The following SYT14 variants were observed in gnomAD, a reference collection of about 807,000 sequenced individuals.
SYT14 encodes the protein synaptotagmin 14.
SYT14 carries 32 observed loss-of-function variants against 74.2 expected under a neutral mutation model. The ratio of observed to expected loss-of-function variants is 0.43; its 90% CI spans 0.33 to 0.58. The LOEUF (loss-of-function observed/expected upper bound fraction) is 0.58, where lower values mean the gene tolerates loss of function less well. SYT14 is among the 20% of genes least tolerant of loss of function. The pLI is 0.05. For missense variants in SYT14, 791 were observed against 981.8 expected, an observed-to-expected ratio of 0.81 and a Z score of 2.60; for synonymous variants, 298 against 337.7, an observed-to-expected ratio of 0.88 and a Z score of 1.29.
intron 2 of SYT14, among the ~76,000 whole-genome samples, chr1:209,996,187 A>C (rs937432792): frequency 2.6e-5 from 4 of 152,178 alleles, no homozygotes; most frequent in Non-Finnish European, 5.9e-5. Flanking sequence ...AATGAAATCA[A>C]GAGTTGGTTC....
intron 7 of SYT14, among the ~76,000 whole-genome samples, chr1:210,110,636 A>C (rs185803609): frequency 1.3e-5 from 2 of 152,268 alleles, no homozygotes; most frequent in Non-Finnish European, 2.9e-5. Context: ...CCAAGGAGAC[A>C]TAGTAAAGGA....
chr1:210,073,782 C>CA (rs2081438291), intron 5 of SYT14, among the ~76,000 whole-genome samples: 1 of 151,792 alleles, frequency 6.6e-6, no homozygotes, highest in African/African-American at 2.4e-5. Context: ...TTATACACAA[C>CA]AAAAAATGTA....
intron 7 of SYT14, among the ~76,000 whole-genome samples, chr1:210,109,365 G>T (rs1307667847): frequency 1.3e-5 from 2 of 152,008 alleles, no homozygotes; most frequent in African/African-American, 2.4e-5. Flanking sequence ...AGATGACAAG[G>T]TCAGGAGGTT....
chr1:209,970,683 T>TA (rs2079238668), intron 2 of SYT14, among the ~76,000 whole-genome samples: 1 of 69,522 alleles, frequency 1.4e-5, no homozygotes, highest in African/African-American at 4.8e-5. Context: ...TTTTTTTTTT[T>TA]TTTTTTTTTT....
At chr1:210,075,741 C>CT (rs2081488138) in intron 5 of SYT14, among the ~76,000 whole-genome samples, 1 of 152,118 alleles carries the variant, frequency 6.6e-6, no homozygotes, top group South Asian at 2.1e-4. Flanking sequence ...TCACCTAGGT[C>CT]TGTGGGCACA....
At chr1:209,968,456 ATCATATGGAGTAGTT>A (rs1370794833) in intron 2 of SYT14, among the ~76,000 whole-genome samples, 4 of 152,080 alleles carry the variant, frequency 2.6e-5, no homozygotes, top group Non-Finnish European at 2.9e-5. Flanking sequence ...ATATTATAGT[ATCATATGGAGTAGTT>A]TCATATGGAG....
chr1:210,084,071 A>G (rs1274713709), intron 5 of SYT14, among the ~76,000 whole-genome samples: 2 of 152,092 alleles, frequency 1.3e-5, no homozygotes. Context: ...TCCCAATGAT[A>G]TTTTTTAGCG....
chr1:209,986,229 A>G (rs1177483647), intron 2 of SYT14, among the ~76,000 whole-genome samples: 1 of 152,150 alleles, frequency 6.6e-6, no homozygotes, highest in African/African-American at 2.4e-5. Context: ...TTCCTATGTT[A>G]GTAATTTCTT....
chr1:210,084,858 C>T (rs777721963), intron 5 of SYT14, among the ~76,000 whole-genome samples: 14 of 152,270 alleles, frequency 9.2e-5, no homozygotes, highest in Admixed American at 7.8e-4. Flanking sequence ...TTTTTCAAGC[C>T]GACTAATTTT....
At chr1:210,021,627 A>G (rs768397021) in intron 5 of SYT14, among the ~76,000 whole-genome samples, 8 of 152,220 alleles carry the variant, frequency 5.3e-5, no homozygotes, top group Non-Finnish European at 1.0e-4. Context: ...GGTGTTGAAT[A>G]TGATTCCAGT....
At chr1:209,953,263 A>G in intron 2 of SYT14, 1 of 1,286,956 alleles carries the variant, frequency 7.8e-7, no homozygotes, top group Non-Finnish European at 1.0e-6. Context: ...AGGAAAGGTA[A>G]TTCAGTTACT....
chr1:210,012,385 C>T (rs1406524264), intron 2 of SYT14, among the ~76,000 whole-genome samples: 1 of 152,088 alleles, frequency 6.6e-6, no homozygotes, highest in Middle Eastern at 3.2e-3. Flanking sequence ...GGTTGGTGCT[C>T]CAAATATGTA....
intron 7 of SYT14, among the ~76,000 whole-genome samples, chr1:210,136,191 A>T (rs974690829): frequency 7.9e-5 from 12 of 152,116 alleles, no homozygotes; most frequent in Admixed American, 4.6e-4. Flanking sequence ...AGAAGGAGAG[A>T]ATCCAGATGT....
At chr1:210,135,678 A>G (rs983426557) in intron 7 of SYT14, among the ~76,000 whole-genome samples, 1 of 152,040 alleles carries the variant, frequency 6.6e-6, no homozygotes, top group Non-Finnish European at 1.5e-5. Context: ...TGGATTATAC[A>G]TTGTTGGGTG....
intron 7 of SYT14, among the ~76,000 whole-genome samples, chr1:210,154,220 T>A (rs551475199): frequency 5.7e-4 from 87 of 152,280 alleles, no homozygotes; most frequent in Non-Finnish European, 1.1e-3. Context: ...GGTAATAACT[T>A]TCTAGAAAGA....
At chr1:210,017,355 T>C (rs1558131022) in intron 4 of SYT14, among the ~76,000 whole-genome samples, 1 of 152,162 alleles carries the variant, frequency 6.6e-6, no homozygotes, top group Non-Finnish European at 1.5e-5. Flanking sequence ...TCAGCAGCCC[T>C]AGTTTTTCTT....
intron 7 of SYT14, among the ~76,000 whole-genome samples, chr1:210,144,889 C>T (rs2082998135): frequency 6.6e-6 from 1 of 152,090 alleles, no homozygotes; most frequent in African/African-American, 2.4e-5. Flanking sequence ...ACACTTCCCC[C>T]AGGTGTAAAT....
At chr1:210,044,343 C>A (rs1313782217) in intron 5 of SYT14, among the ~76,000 whole-genome samples, 1 of 151,928 alleles carries the variant, frequency 6.6e-6, no homozygotes, top group Admixed American at 6.6e-5. Flanking sequence ...ATGTAAAGAC[C>A]CTTGTGTTTT....
At chr1:210,161,867 T>C (rs1313588524) in exon 10 of SYT14, 4 of 450,762 alleles carry the variant, frequency 8.9e-6, no homozygotes, top group Non-Finnish European at 1.8e-5. Flanking sequence ...AGGACTTTAC[T>C]TTCAAATTTC....
Sources: allele counts gnomAD v4.1 joint callset (sites outside exome capture counted in the v4.1 genomes callset), GRCh38; gene constraint gnomAD v4.1.1; transcripts MANE v1.5; gene names NCBI Gene and HGNC (gene_info 2026-07-23, HGNC 2026-07-21).